SAMSN1: variants seen among roughly 807,000 people sequenced by gnomAD.
The protein encoded by SAMSN1 is SAM domain-containing protein SAMSN-1.
In SAMSN1, 31 loss-of-function variants were observed where a neutral mutation model predicts 42.0. That is an observed-to-expected ratio of 0.74 (90% CI 0.55 to 1.00). The LOEUF is 1.00. SAMSN1 is among the 50% of genes least tolerant of loss of function. The pLI, the probability that SAMSN1 is intolerant of heterozygous loss-of-function variation, is 0.00. For synonymous variants in SAMSN1, 178 were observed against 151.9 expected (o/e 1.17, Z -1.26); for missense variants, 464 against 439.4 (o/e 1.06, Z -0.50).
chr21:14,555,906 A>T (rs1374431415), intron 2 of SAMSN1, among the ~76,000 whole-genome samples: 1 of 152,194 alleles, frequency 6.6e-6, no homozygotes, highest in African/African-American at 2.4e-5. Flanking sequence ...ATTAACTTTT[A>T]TCTGAACATA....
intron 1 of SAMSN1, among the ~76,000 whole-genome samples, chr21:14,522,656 C>T (rs1978569067): frequency 6.6e-6 from 1 of 152,176 alleles, no homozygotes; most frequent in Non-Finnish European, 1.5e-5. Flanking sequence ...CTGTGATCTA[C>T]TTTTCATCAC....
chr21:14,562,257 AC>A (rs1980969919), intron 2 of SAMSN1, among the ~76,000 whole-genome samples: 1 of 152,148 alleles, frequency 6.6e-6, no homozygotes, highest in African/African-American at 2.4e-5. Flanking sequence ...AGAGAGATAT[AC>A]CTTTCTTCCA....
chr21:14,566,577 G>T (rs548834332), intron 2 of SAMSN1, among the ~76,000 whole-genome samples: 1 of 151,398 alleles, frequency 6.6e-6, no homozygotes, highest in Admixed American at 6.6e-5. Context: ...TCACTTTGTC[G>T]CCCAGGCTAT....
At chr21:14,529,021 C>T (rs542579877) in intron 1 of SAMSN1, among the ~76,000 whole-genome samples, 1 of 152,286 alleles carries the variant, frequency 6.6e-6, no homozygotes, top group East Asian at 1.9e-4. Context: ...CAAAATAAAG[C>T]TCATACTCAG....
At chr21:14,514,656 TTTC>T (rs1374863862) in intron 3 of SAMSN1, among the ~76,000 whole-genome samples, 2 of 152,340 alleles carry the variant, frequency 1.3e-5, no homozygotes, top group Admixed American at 1.3e-4. Flanking sequence ...ATTCTTAGAT[TTTC>T]TTTTCTTCCT....
intron 2 of SAMSN1, among the ~76,000 whole-genome samples, chr21:14,552,412 T>G (rs558164023): frequency 6.6e-6 from 1 of 152,218 alleles, no homozygotes; most frequent in East Asian, 1.9e-4. Flanking sequence ...GTAGGGCTTT[T>G]GGGAGAATTA....
At chr21:14,641,394 C>A (rs1983594561) in intron 2 of SAMSN1, among the ~76,000 whole-genome samples, 1 of 152,066 alleles carries the variant, frequency 6.6e-6, no homozygotes, top group Non-Finnish European at 1.5e-5. Context: ...TTTTAATGCA[C>A]CCAAAGAACA....
At chr21:14,499,888 T>G (rs1370397096) in intron 6 of SAMSN1, among the ~76,000 whole-genome samples, 3 of 152,228 alleles carry the variant, frequency 2.0e-5, no homozygotes, top group Non-Finnish European at 4.4e-5. Context: ...GCTGAGTTAA[T>G]TTTAGAAATG....
At chr21:14,577,284 A>ATATTTTTTTT (rs1460040142) in intron 2 of SAMSN1, among the ~76,000 whole-genome samples, 1 of 53,856 alleles carries the variant, frequency 1.9e-5, no homozygotes. Context: ...ATATATATAT[A>ATATTTTTTTT]TTTTTTTTTT....
chr21:14,576,555 G>A (rs1215294196), intron 2 of SAMSN1, among the ~76,000 whole-genome samples: 1 of 152,130 alleles, frequency 6.6e-6, no homozygotes, highest in Non-Finnish European at 1.5e-5. Context: ...CTGCACGTTT[G>A]AACTGAAAGA....
chr21:14,600,373 G>A (rs576831419), intron 6 of SAMSN1, among the ~76,000 whole-genome samples: 1 of 152,192 alleles, frequency 6.6e-6, no homozygotes, highest in East Asian at 1.9e-4. Flanking sequence ...AAATTCAATT[G>A]AATGTCTACT....
At chr21:14,503,785 C>T (rs900833775) in intron 5 of SAMSN1, among the ~76,000 whole-genome samples, 2 of 152,128 alleles carry the variant, frequency 1.3e-5, no homozygotes, top group East Asian at 1.9e-4. Flanking sequence ...GGCTCCAGAA[C>T]GATTGCAGAA....
intron 2 of SAMSN1, among the ~76,000 whole-genome samples, chr21:14,635,342 T>A (rs1983440951): frequency 6.6e-6 from 1 of 152,046 alleles, no homozygotes; most frequent in South Asian, 2.1e-4. Context: ...GAACTTAAAG[T>A]GAAAAAAATT....
intron 7 of SAMSN1, among the ~76,000 whole-genome samples, chr21:14,497,551 C>A (rs536271559): frequency 6.6e-6 from 1 of 152,158 alleles, no homozygotes; most frequent in African/African-American, 2.4e-5. Flanking sequence ...GAGATCGCAC[C>A]GCTGCGCTCC....
rs577467182 is a variant in SAMSN1, at chr21:14,614,234, G to A, written c.198-1321C>T. Reference sequence around the variant, plus strand: ...TTATTTTTTAATAACATACACTGAAGCATGAAATTATGTGTCTGGCATCTG... The same window carrying A: ...TTATTTTTTAATAACATACACTGAAACATGAAATTATGTGTCTGGCATCTG... On this transcript the variant is annotated intron_variant, in intron 3 of 15. Coordinates refer to the SAMSN1 transcript ENST00000647101. Among the ~76,000 whole-genome samples, 173 of 152,244 alleles carry A rather than the reference G, an allele frequency of 1.1e-3. 1 individual carries two copies. Among genetic ancestry groups the A allele is most frequent in the South Asian group, 6.6e-3 (32 of 4,822 alleles).
chr21:14,508,063 G>C (rs769373970), intron 5 of SAMSN1, among the ~76,000 whole-genome samples: 6 of 152,140 alleles, frequency 3.9e-5, no homozygotes, highest in Non-Finnish European at 5.9e-5. Flanking sequence ...ATCTCAAGAT[G>C]GACTAACGAC....
At chr21:14,537,513 A>C (rs1212510929) in intron 1 of SAMSN1, among the ~76,000 whole-genome samples, 1 of 152,216 alleles carries the variant, frequency 6.6e-6, no homozygotes, top group Non-Finnish European at 1.5e-5. Flanking sequence ...GTCCATAATA[A>C]GCATTTAATA....
chr21:14,485,646 C>G lies in SAMSN1; in HGVS notation c.*266G>C. On this transcript the variant is annotated 3_prime_UTR_variant, in exon 8 of 8. Transcript: ENST00000400566. ...AAAGCCAAATAAAGCATATGTCACACATACCAAAGTCTTACATTTTGCCTT... is the reference window on the plus strand; with the variant it reads ...AAAGCCAAATAAAGCATATGTCACAGATACCAAAGTCTTACATTTTGCCTT... The G allele has an allele frequency of 3.5e-6, 1 of 285,314 alleles. No homozygotes were observed. Among genetic ancestry groups the G allele is most frequent in the East Asian group, 6.9e-5 (1 of 14,400 alleles). The allele number at this position is 285,314 out of a possible 1,614,324, so 17.7% of individuals were successfully genotyped here.
chr21:14,530,159 A>G (rs1484367952), intron 1 of SAMSN1, among the ~76,000 whole-genome samples: 3 of 152,028 alleles, frequency 2.0e-5, no homozygotes, highest in African/African-American at 7.2e-5. Context: ...TACTAAAAAT[A>G]CAAAAAAATT....
Sources: allele counts gnomAD v4.1 joint callset (sites outside exome capture counted in the v4.1 genomes callset), GRCh38; gene constraint gnomAD v4.1.1; transcripts MANE v1.5; gene names NCBI Gene and HGNC (gene_info 2026-07-23, HGNC 2026-07-21).